The following DOCK2 variants were observed in gnomAD, a reference collection of about 807,000 sequenced individuals.
DOCK2 encodes the protein dedicator of cytokinesis protein 2.
Under a neutral mutation model 248.9 loss-of-function variants are expected in DOCK2, and 87 were observed. The ratio of observed to expected loss-of-function variants is 0.35; its 90% CI spans 0.29 to 0.42. DOCK2 has a LOEUF of 0.42. Ranked by LOEUF, DOCK2 falls within the 10% of genes least tolerant of loss-of-function variation. DOCK2 has a pLI of 1.00. For missense variants in DOCK2, 1,747 were observed against 2,300.2 expected (o/e 0.76, Z 4.92); for synonymous variants, 805 against 821.6 (o/e 0.98, Z 0.35).
chr5:170,079,167 G>A (rs113272576), intron 49 of DOCK2, 21 bp downstream of exon 49: 69 of 1,609,708 alleles, frequency 4.3e-5, no homozygotes, highest in African/African-American at 2.5e-4. Context: ...GAGGCAGATT[G>A]CCTCTCCAGC....
chr5:169,754,119 G>T (rs936510105), intron 23 of DOCK2, among the ~76,000 whole-genome samples: 1 of 152,092 alleles, frequency 6.6e-6, no homozygotes, highest in Non-Finnish European at 1.5e-5. Flanking sequence ...AGAGAGAAAG[G>T]GAGGAGAGAG....
At chr5:170,004,823 A>C (rs1364809937) in intron 30 of DOCK2, among the ~76,000 whole-genome samples, 1 of 149,240 alleles carries the variant, frequency 6.7e-6, no homozygotes, top group Admixed American at 6.7e-5. Flanking sequence ...AAGAACAAAA[A>C]ACCAAACACC....
At chr5:169,879,478 A>T (rs947885575) in intron 27 of DOCK2, among the ~76,000 whole-genome samples, 9 of 152,192 alleles carry the variant, frequency 5.9e-5, no homozygotes, top group Non-Finnish European at 1.2e-4. Flanking sequence ...AGATACAAGG[A>T]TATAGATTCT....
intron 25 of DOCK2, among the ~76,000 whole-genome samples, chr5:169,793,858 T>TC (rs1336607735): frequency 2.0e-5 from 3 of 152,112 alleles, no homozygotes; most frequent in African/African-American, 7.2e-5. Context: ...CCCTTTCCTC[T>TC]CCAAGTGTGC....
chr5:169,920,393 T>C (rs960005191), intron 27 of DOCK2, among the ~76,000 whole-genome samples: 6 of 152,348 alleles, frequency 3.9e-5, no homozygotes, highest in African/African-American at 1.4e-4. Flanking sequence ...CAAAATACTT[T>C]CTGAGAGTTG....
chr5:169,807,833 CAA>C (rs61670398), intron 26 of DOCK2, among the ~76,000 whole-genome samples: 177 of 24,178 alleles, frequency 7.3e-3, no homozygotes, highest in African/African-American at 0.014. Flanking sequence ...GACTCTGTCT[CAA>C]AAAAAAAAAA....
chr5:169,855,573 A>G (rs1352926580), intron 27 of DOCK2, among the ~76,000 whole-genome samples: 1 of 152,176 alleles, frequency 6.6e-6, no homozygotes, highest in East Asian at 1.9e-4. Context: ...ACATTGCTAG[A>G]TGTGTGTCTT....
At chr5:169,995,231 G>A (rs747648335) in intron 29 of DOCK2, among the ~76,000 whole-genome samples, 1 of 152,106 alleles carries the variant, frequency 6.6e-6, no homozygotes, top group African/African-American at 2.4e-5. Flanking sequence ...GTTTCACCAC[G>A]ATGGTCAGGC....
intron 1 of DOCK2, among the ~76,000 whole-genome samples, chr5:169,648,043 T>C (rs1228393747): frequency 6.6e-6 from 1 of 152,018 alleles, no homozygotes; most frequent in Non-Finnish European, 1.5e-5. Context: ...AACTCTGTAG[T>C]GTGTGTGTGC....
intron 1 of DOCK2, among the ~76,000 whole-genome samples, chr5:169,650,256 G>GTA (rs899486050): frequency 6.6e-6 from 1 of 152,104 alleles, no homozygotes; most frequent in Non-Finnish European, 1.5e-5. Flanking sequence ...ACACCATGGA[G>GTA]TATATACTTG....
At chr5:169,891,991 G>A (rs1411684657) in intron 27 of DOCK2, among the ~76,000 whole-genome samples, 2 of 125,620 alleles carry the variant, frequency 1.6e-5, no homozygotes, top group Admixed American at 9.2e-5. Flanking sequence ...GCGAGATTCC[G>A]TCCCAAAAAA....
In DOCK2 at chr5:169,715,338, T is replaced by C. The variant is rs180731400; in HGVS notation, c.1942-875T>C. ...CATCTTTATATGGTAGCTCTGTGTT[T>C]TGAGGGATTATAGGAAATATTGACC... On this transcript the variant is annotated intron_variant, in intron 19 of 51. Transcript: ENST00000520908. 2.6e-3 allele frequency among the ~76,000 whole-genome samples: 402 copies of C among 152,308 alleles called. 1 individual carries two copies. Among genetic ancestry groups the C allele is most frequent in the Non-Finnish European group, 3.2e-3 (217 of 68,028 alleles).
chr5:169,896,926 C>G (rs549122189), intron 27 of DOCK2, among the ~76,000 whole-genome samples: 30 of 152,264 alleles, frequency 2.0e-4, no homozygotes, highest in Non-Finnish European at 3.7e-4. Flanking sequence ...AACTGAGCAT[C>G]AACTTTGACG....
chr5:169,731,812 T>C (rs1446658696), intron 22 of DOCK2, among the ~76,000 whole-genome samples: 1 of 152,128 alleles, frequency 6.6e-6, no homozygotes. Flanking sequence ...ATAGGAGTGA[T>C]AAAATGAAGA....
intron 25 of DOCK2, among the ~76,000 whole-genome samples, chr5:169,800,266 T>G (rs1345075541): frequency 6.6e-6 from 1 of 152,240 alleles, no homozygotes; most frequent in Non-Finnish European, 1.5e-5. Context: ...ACACTTCTTT[T>G]AAGTGTTATC....
chr5:169,935,255 A>T (rs1775932811), intron 27 of DOCK2, among the ~76,000 whole-genome samples: 2 of 152,176 alleles, frequency 1.3e-5, no homozygotes, highest in South Asian at 4.1e-4. Context: ...CACTGCCAAG[A>T]TCCTCTCTTT....
chr5:170,077,447 A>G (rs935458657), intron 47 of DOCK2, among the ~76,000 whole-genome samples: 1 of 152,202 alleles, frequency 6.6e-6, no homozygotes, highest in Non-Finnish European at 1.5e-5. Flanking sequence ...CAAGGGGGCC[A>G]CCATGAATAA....
intron 45 of DOCK2, among the ~76,000 whole-genome samples, chr5:170,068,436 T>C (rs900067285): frequency 6.6e-6 from 1 of 152,216 alleles, no homozygotes; most frequent in African/African-American, 2.4e-5. Context: ...CCTATTATCT[T>C]TCCTATGTTA....
At chr5:169,785,340 C>A (rs775805787) in intron 25 of DOCK2, among the ~76,000 whole-genome samples, 2 of 152,110 alleles carry the variant, frequency 1.3e-5, no homozygotes, top group Non-Finnish European at 2.9e-5. Context: ...CTAAGAAGTT[C>A]TCTACTTTCT....
Sources: allele counts gnomAD v4.1 joint callset (sites outside exome capture counted in the v4.1 genomes callset), GRCh38; gene constraint gnomAD v4.1.1; transcripts MANE v1.5; gene names NCBI Gene and HGNC (gene_info 2026-07-23, HGNC 2026-07-21).